The following CATSPERB variants were observed in gnomAD, a reference collection of about 807,000 sequenced individuals.
CATSPERB encodes cation channel sperm-associated auxiliary subunit beta.
A neutral mutation model predicts 128.3 loss-of-function variants in CATSPERB; 93 were observed. The observed-to-expected ratio is 0.72, with a 90% CI of 0.61 to 0.86. The LOEUF (loss-of-function observed/expected upper bound fraction) is 0.86, where lower values mean the gene tolerates loss of function less well. CATSPERB is among the 40% of genes least tolerant of loss of function. CATSPERB has a pLI of 0.00. For missense variants in CATSPERB, 1,153 were observed against 1,329.5 expected (o/e 0.87, Z 2.06); for synonymous variants, 381 against 448.8 (o/e 0.85, Z 1.91).
intron 7 of CATSPERB, among the ~76,000 whole-genome samples, chr14:91,700,291 C>T (rs769319865): frequency 1.3e-5 from 2 of 152,110 alleles, no homozygotes; most frequent in Non-Finnish European, 2.9e-5. Context: ...CATAGTAATA[C>T]GCTGCTGGAT....
chr14:91,690,848 T>C (rs926042211), intron 10 of CATSPERB, among the ~76,000 whole-genome samples: 14 of 152,258 alleles, frequency 9.2e-5, no homozygotes, highest in African/African-American at 3.4e-4. Context: ...TTCTGGTCCA[T>C]AGCCATCTGC....
chr14:91,649,159 T>G (rs1894659974), intron 15 of CATSPERB, among the ~76,000 whole-genome samples: 4 of 152,200 alleles, frequency 2.6e-5, no homozygotes, highest in Admixed American at 2.6e-4. Flanking sequence ...TAAATGCTGC[T>G]GAATAAATGA....
chr14:91,696,789 A>G (rs79583880), intron 7 of CATSPERB, among the ~76,000 whole-genome samples: 195 of 152,320 alleles, frequency 1.3e-3, no homozygotes, highest in African/African-American at 4.5e-3. Flanking sequence ...GGCTGCAAGG[A>G]ATGGGATCCA....
chr14:91,724,958 T>C (rs1378499519), intron 3 of CATSPERB, 122 bp downstream of exon 3: 1 of 414,634 alleles, frequency 2.4e-6, no homozygotes, highest in Admixed American at 4.4e-5. Context: ...TTATATAGAA[T>C]TTTCCCTCCC....
intron 16 of CATSPERB, among the ~76,000 whole-genome samples, chr14:91,638,714 G>A (rs35714801): frequency 0.039 from 5,894 of 152,228 alleles, 146 homozygotes; most frequent in Middle Eastern, 0.062. Context: ...GAGCCATGGC[G>A]CCTGGCCTCA....
chr14:91,726,884 G>A (rs1273290308), intron 2 of CATSPERB, among the ~76,000 whole-genome samples: 16 of 152,248 alleles, frequency 1.1e-4, no homozygotes, highest in African/African-American at 3.9e-4. Flanking sequence ...GCTGGAGCAG[G>A]AAGGGTCAAA....
intron 9 of CATSPERB, among the ~76,000 whole-genome samples, chr14:91,692,912 T>C (rs537802792): frequency 2.0e-5 from 3 of 152,320 alleles, no homozygotes; most frequent in Admixed American, 6.5e-5. Context: ...TTACTATAAA[T>C]TTGTAGAGCA....
chr14:91,629,355 CA>C (rs1351385975), intron 17 of CATSPERB, among the ~76,000 whole-genome samples: 1 of 152,056 alleles, frequency 6.6e-6, no homozygotes, highest in African/African-American at 2.4e-5. Flanking sequence ...CGGTGGTTGC[CA>C]GGGGTGAGGG....
At chr14:91,665,895 A>G (rs2139826002) in intron 14 of CATSPERB, among the ~76,000 whole-genome samples, 1 of 152,308 alleles carries the variant, frequency 6.6e-6, no homozygotes, top group South Asian at 2.1e-4. Flanking sequence ...GGATATGGTT[A>G]GGCTTTGTGT....
chr14:91,583,246 A>G (rs912089512), intron 26 of CATSPERB, among the ~76,000 whole-genome samples: 6 of 152,142 alleles, frequency 3.9e-5, no homozygotes, highest in South Asian at 4.1e-4. Flanking sequence ...GTGAAACCCC[A>G]TCTCTACCTA....
At chr14:91,608,147 T>C (rs1893748087) in intron 22 of CATSPERB, 147 bp downstream of exon 22, 7 of 558,512 alleles carry the variant, frequency 1.3e-5, no homozygotes, top group South Asian at 2.8e-5. Flanking sequence ...GAGGAGGGGC[T>C]AAAGTAGAAG....
At position 91,615,214 on chromosome 14, in the gene CATSPERB, T is replaced by C. The variant is rs1385034725; in HGVS notation, c.2400+2383A>G. On this transcript the variant is annotated intron_variant, in intron 20 of 26. Transcript: ENST00000256343. ...CATGTATTACTGCCTGAGCTCCACCTCCTGTCACATCGGCGGCAGCATTAG... is the reference window on the plus strand; with the variant it reads ...CATGTATTACTGCCTGAGCTCCACCCCCTGTCACATCGGCGGCAGCATTAG... Among the ~76,000 whole-genome samples, 4 of 152,264 alleles carry C rather than the reference T, an allele frequency of 2.6e-5. No homozygotes were observed. In the East Asian group the frequency reaches 7.7e-4, roughly 29 times the overall value.
At chr14:91,615,337 G>A (rs1893916309) in intron 20 of CATSPERB, among the ~76,000 whole-genome samples, 1 of 152,164 alleles carries the variant, frequency 6.6e-6, no homozygotes, top group African/African-American at 2.4e-5. Flanking sequence ...ATCTGAAGTG[G>A]AACAGTTTCA....
intron 17 of CATSPERB, among the ~76,000 whole-genome samples, chr14:91,634,907 A>G (rs1440384360): frequency 6.6e-6 from 1 of 151,562 alleles, no homozygotes; most frequent in Admixed American, 6.6e-5. Context: ...ATAATAAAAT[A>G]CCATAAACCA....
At chr14:91,665,744 C>T (rs546249549) in intron 14 of CATSPERB, among the ~76,000 whole-genome samples, 7 of 152,180 alleles carry the variant, frequency 4.6e-5, no homozygotes, top group Admixed American at 3.9e-4. Flanking sequence ...GTGGCAGGTG[C>T]CTGTAATCCC....
chr14:91,604,172 G>A (rs1353222321), intron 22 of CATSPERB, among the ~76,000 whole-genome samples: 4 of 152,026 alleles, frequency 2.6e-5, no homozygotes, highest in Admixed American at 6.6e-5. Context: ...GGGACTACAG[G>A]CACATGCCTG....
intron 1 of CATSPERB, among the ~76,000 whole-genome samples, chr14:91,731,498 A>G (rs1331867079): frequency 1.3e-5 from 2 of 152,322 alleles, no homozygotes; most frequent in East Asian, 3.9e-4. Context: ...CTATTCAGTA[A>G]AATGGGGATA....
intron 15 of CATSPERB, among the ~76,000 whole-genome samples, chr14:91,654,215 T>C (rs1052772085): frequency 3.9e-5 from 6 of 152,048 alleles, no homozygotes; most frequent in African/African-American, 9.7e-5. Context: ...AATTGAACAA[T>C]GATCCACACA....
intron 16 of CATSPERB, among the ~76,000 whole-genome samples, chr14:91,638,631 A>T (rs1238196353): frequency 6.6e-6 from 1 of 152,176 alleles, no homozygotes; most frequent in Non-Finnish European, 1.5e-5. Context: ...CTTGTTGCCC[A>T]GGCTAGTCTC....
Sources: allele counts gnomAD v4.1 joint callset (sites outside exome capture counted in the v4.1 genomes callset), GRCh38; gene constraint gnomAD v4.1.1; transcripts MANE v1.5; gene names NCBI Gene and HGNC (gene_info 2026-07-23, HGNC 2026-07-21).